The following SLC37A3 variants were observed in gnomAD, a reference collection of about 807,000 sequenced individuals.
The protein encoded by SLC37A3 is solute carrier family 37 member 3.
SLC37A3 carries 51 observed loss-of-function variants against 67.1 expected under a neutral mutation model. That is an observed-to-expected ratio of 0.76 (90% confidence interval 0.61 to 0.96). The LOEUF (loss-of-function observed/expected upper bound fraction) is 0.96, where lower values mean the gene tolerates loss of function less well. SLC37A3 is among the 40% of genes least tolerant of loss of function. The pLI is 0.00. For missense variants in SLC37A3, 508 were observed against 603.0 expected (o/e 0.84, Z 1.65); for synonymous variants, 214 against 231.4 (o/e 0.92, Z 0.68).
chr7:140,351,375 T>G lies in SLC37A3; in HGVS notation c.780A>C (p.Glu260Asp). 1 of 1,614,174 alleles carries G rather than the reference T, an allele frequency of 6.2e-7. No homozygotes were observed. The highest frequency in any genetic ancestry group is 8.5e-7 in the Non-Finnish European group (1 of 1,180,036). ...TTGAATAATTCGGCTCATATTCGTC[T>G]TCATTTTCACCACCATTAATTAATG... ...HRPLINGGEN[E>D]DEYEPNYSIQ... Residue 260 changes from glutamate (E) to aspartate (D), a missense_variant, in exon 9 of 15, where the codon GAA becomes GAC. By Grantham distance (45) the Glu-to-Asp change is conservative (BLOSUM62 2). Transcript: ENST00000326232.
chr7:140,364,203 A>G (rs1190697572), intron 5 of SLC37A3, among the ~76,000 whole-genome samples: 1 of 151,134 alleles, frequency 6.6e-6, no homozygotes, highest in Non-Finnish European at 1.5e-5. Context: ...GTGAGCTGAG[A>G]TCGCACCACT....
At chr7:140,374,124 C>T (rs1008092669) in intron 3 of SLC37A3, among the ~76,000 whole-genome samples, 10 of 152,078 alleles carry the variant, frequency 6.6e-5, no homozygotes, top group Non-Finnish European at 7.4e-5. Context: ...GCTAGAAAAT[C>T]CTTGAACTAA....
chr7:140,359,195 T>C (rs1797161755), intron 5 of SLC37A3, among the ~76,000 whole-genome samples: 1 of 151,826 alleles, frequency 6.6e-6, no homozygotes, highest in African/African-American at 2.4e-5. Flanking sequence ...TATAAAAAAT[T>C]AGCTAGGCGT....
At chr7:140,348,280 A>C (rs1410905822) in intron 10 of SLC37A3, among the ~76,000 whole-genome samples, 1 of 152,158 alleles carries the variant, frequency 6.6e-6, no homozygotes, top group African/African-American at 2.4e-5. Context: ...TTTAGAGCTA[A>C]GATATCACTG....
At chr7:140,359,342 C>CAA (rs11389043) in intron 5 of SLC37A3, among the ~76,000 whole-genome samples, 138 of 116,832 alleles carry the variant, frequency 1.2e-3, no homozygotes, top group Middle Eastern at 4.9e-3. Context: ...GACTCTGTCT[C>CAA]AAAAAAAAAA....
At chr7:140,387,779 A>ATTATATAT (rs1433466023) in intron 1 of SLC37A3, among the ~76,000 whole-genome samples, 2 of 1,280 alleles carry the variant, frequency 1.6e-3, no homozygotes, top group South Asian at 0.029. Context: ...TATTATACAT[A>ATTATATAT]AATATAAATA....
chr7:140,348,462 C>CTTTTTT (rs66700092), intron 10 of SLC37A3, 164 bp downstream of exon 10: 4 of 363,944 alleles, frequency 1.1e-5, no homozygotes, highest in South Asian at 7.2e-5. Context: ...CTTTTCTTTT[C>CTTTTTT]TTTTTTTTTT....
In SLC37A3 at chr7:140,350,689, G is replaced by A. The variant is rs190762549; in HGVS notation, c.882+584C>T. Among the ~76,000 whole-genome samples, 291 of 152,120 alleles carry A rather than the reference G, an allele frequency of 1.9e-3. 2 individuals are homozygous for A. The highest frequency in any genetic ancestry group is 6.9e-3 in the African/African-American group (285 of 41,492). ...TGAGGCAGGAGAATCGCTTGAACCC[G>A]GGAGGCAGAGGTTGCAGTGAGCCGA... On this transcript the variant is annotated intron_variant, in intron 9 of 14. Transcript: ENST00000326232.
intron 5 of SLC37A3, among the ~76,000 whole-genome samples, chr7:140,360,957 T>C (rs1317947727): frequency 1.3e-5 from 2 of 151,902 alleles, no homozygotes; most frequent in Non-Finnish European, 2.9e-5. Flanking sequence ...AACCACTGCA[T>C]ACCCACCCTA....
intron 3 of SLC37A3, chr7:140,379,825 T>TGGA (rs1330332264): frequency 7.1e-6 from 1 of 141,284 alleles, no homozygotes; most frequent in Non-Finnish European, 1.5e-5. Context: ...GCCCAGAAGG[T>TGGA]GGAGGTTGCA....
intron 1 of SLC37A3, among the ~76,000 whole-genome samples, chr7:140,385,247 ATTC>A (rs1798406231): frequency 6.6e-6 from 1 of 152,234 alleles, no homozygotes; most frequent in Non-Finnish European, 1.5e-5. Context: ...TTTTAAAGTC[ATTC>A]TTCTTGGGAA....
intron 6 of SLC37A3, among the ~76,000 whole-genome samples, chr7:140,356,940 G>A (rs1197259583): frequency 6.6e-6 from 1 of 152,084 alleles, no homozygotes; most frequent in Non-Finnish European, 1.5e-5. Flanking sequence ...GCAGCCAGGC[G>A]CAGTAGCTAC....
chr7:140,361,208 T>G (rs796434224), intron 5 of SLC37A3, among the ~76,000 whole-genome samples: 1 of 59,752 alleles, frequency 1.7e-5, no homozygotes, highest in African/African-American at 3.8e-5. Context: ...TAGGGCCAGG[T>G]GCGGTGGCTC....
chr7:140,374,821 G>A (rs1797961127), intron 3 of SLC37A3, among the ~76,000 whole-genome samples: 1 of 152,112 alleles, frequency 6.6e-6, no homozygotes, highest in South Asian at 2.1e-4. Flanking sequence ...TCATGCCACT[G>A]TACTCCAGCC....
chr7:140,374,887 C>T (rs138038244), intron 3 of SLC37A3, among the ~76,000 whole-genome samples: 5,330 of 151,934 alleles, frequency 0.035, 137 homozygotes, highest in Non-Finnish European at 0.051. Context: ...GTGGCTCACA[C>T]CTGTAATCCC....
At chr7:140,360,708 T>G (rs1313459449) in intron 5 of SLC37A3, among the ~76,000 whole-genome samples, 1 of 146,906 alleles carries the variant, frequency 6.8e-6, no homozygotes, top group African/African-American at 2.5e-5. Flanking sequence ...CACTCCAGCT[T>G]GGGTGACAGA....
intron 3 of SLC37A3, among the ~76,000 whole-genome samples, chr7:140,371,820 A>T (rs1008896977): frequency 6.6e-6 from 1 of 152,196 alleles, no homozygotes; most frequent in Non-Finnish European, 1.5e-5. Flanking sequence ...ATCTAGGGCC[A>T]GCAGTGGAAA....
chr7:140,349,499 T>C (rs944152964), intron 9 of SLC37A3, among the ~76,000 whole-genome samples: 3 of 139,208 alleles, frequency 2.2e-5, no homozygotes, highest in African/African-American at 7.9e-5. Context: ...TTCAACACAT[T>C]ACTACCAGGA....
At chr7:140,335,539 C>G (rs745913112) in intron 14 of SLC37A3, 35 bp from the exon 15 acceptor site, 1 of 1,602,924 alleles carries the variant, frequency 6.2e-7, no homozygotes, top group Admixed American at 1.7e-5. Context: ...TATGCAGCAA[C>G]AGTTTACTTC....
Sources: allele counts gnomAD v4.1 joint callset (sites outside exome capture counted in the v4.1 genomes callset), GRCh38; gene constraint gnomAD v4.1.1; transcripts MANE v1.5; gene names NCBI Gene and HGNC (gene_info 2026-07-23, HGNC 2026-07-21).